The following CHLSN variants were observed in gnomAD, a reference collection of about 807,000 sequenced individuals.
CHLSN encodes cholesin.
chr7:983,903 G>A, the CHLSN span, among the ~76,000 whole-genome samples: 86 of 152,364 alleles, frequency 5.6e-4, no homozygotes, highest in African/African-American at 1.9e-3. Flanking sequence ...TAGCACTGTC[G>A]CTCTGTCCTC....
the CHLSN span, among the ~76,000 whole-genome samples, chr7:1,034,818 C>T: frequency 4.8e-5 from 7 of 144,512 alleles, no homozygotes; most frequent in South Asian, 2.5e-4. Flanking sequence ...CTCAAATTCA[C>T]TCCTGTGTCT....
At chr7:1,070,340 G>A in the CHLSN span, among the ~76,000 whole-genome samples, 21 of 138,154 alleles carry the variant, frequency 1.5e-4, no homozygotes, top group African/African-American at 4.5e-4. Flanking sequence ...CAGCCGTGCC[G>A]TCCGGGAGGG....
At chr7:1,125,471 T>G in the CHLSN span, among the ~76,000 whole-genome samples, 7 of 152,194 alleles carry the variant, frequency 4.6e-5, no homozygotes. Context: ...AGTGAACAAA[T>G]GTAACAAGCC....
At chr7:1,023,127 C>T in the CHLSN span, 9 of 388,572 alleles carry the variant, frequency 2.3e-5, no homozygotes, top group Admixed American at 2.3e-4. This position sits in a 1 kb window ranked among gnomAD's most constrained non-coding sequence, Gnocchi z 5.0. Flanking sequence ...GTGGCCCCTT[C>T]TCAGAAGGAC....
the CHLSN span, among the ~76,000 whole-genome samples, chr7:1,094,815 C>T: frequency 6.6e-6 from 1 of 152,192 alleles, no homozygotes; most frequent in Non-Finnish European, 1.5e-5. Context: ...CAGGTGGGGC[C>T]TGTATTCTCC....
the CHLSN span, among the ~76,000 whole-genome samples, chr7:1,001,665 G>A: frequency 7.6e-6 from 1 of 131,030 alleles, no homozygotes. Context: ...GGAGTCCTGT[G>A]GGTGAGTGGA....
At chr7:1,095,679 G>A in the CHLSN span, among the ~76,000 whole-genome samples, 474 of 152,318 alleles carry the variant, frequency 3.1e-3, 5 homozygotes, top group African/African-American at 0.01. Context: ...TGGGGTAAGC[G>A]CTGTCCCCAC....
chr7:1,117,981 G>A, the CHLSN span, among the ~76,000 whole-genome samples: 2 of 152,188 alleles, frequency 1.3e-5, no homozygotes, highest in South Asian at 2.1e-4. Flanking sequence ...CAGACAAAAA[G>A]GAAGCCCATC....
the CHLSN span, among the ~76,000 whole-genome samples, chr7:996,128 C>T: frequency 3.3e-5 from 5 of 152,356 alleles, no homozygotes; most frequent in South Asian, 4.1e-4. Context: ...AGGCCAGTCA[C>T]CGCTCTGAGG....
At chr7:1,011,572 C>T in the CHLSN span, among the ~76,000 whole-genome samples, 3 of 149,516 alleles carry the variant, frequency 2.0e-5, no homozygotes, top group Non-Finnish European at 4.4e-5. Context: ...CACACCCAAA[C>T]ACATCCACAC....
the CHLSN span, among the ~76,000 whole-genome samples, chr7:1,070,970 G>A: frequency 6.9e-6 from 1 of 145,352 alleles, no homozygotes; most frequent in Non-Finnish European, 1.5e-5. Flanking sequence ...ACACGCACAC[G>A]GGCACATGCA....
chr7:1,008,656 C>T, the CHLSN span, among the ~76,000 whole-genome samples: 6 of 152,156 alleles, frequency 3.9e-5, no homozygotes, highest in South Asian at 2.1e-4. Flanking sequence ...TTCCTGAGCC[C>T]GGCGCTGAGC....
the CHLSN span, chr7:1,028,249 C>T: frequency 1.8e-6 from 2 of 1,095,670 alleles, no homozygotes; most frequent in South Asian, 2.0e-5. Flanking sequence ...CCTGGCCCCG[C>T]GCACTGACCT....
chr7:1,117,497 C>T, the CHLSN span, among the ~76,000 whole-genome samples: 3 of 137,572 alleles, frequency 2.2e-5, no homozygotes, highest in Non-Finnish European at 3.0e-5. Flanking sequence ...CTTCCATCAC[C>T]GACATCCACG....
chr7:1,000,646 A>C, the CHLSN span: 1 of 981,080 alleles, frequency 1.0e-6, no homozygotes, highest in Non-Finnish European at 1.5e-6. Flanking sequence ...ATCTTAGGAG[A>C]GGGAGCCCCA....
the CHLSN span, among the ~76,000 whole-genome samples, chr7:1,005,990 TC>T: frequency 1.3e-5 from 2 of 152,342 alleles, no homozygotes; most frequent in South Asian, 4.1e-4. Context: ...GCAGGCGTGT[TC>T]TTTTCTTTTT....
At chr7:994,547 C>T in the CHLSN span, among the ~76,000 whole-genome samples, 2 of 151,990 alleles carry the variant, frequency 1.3e-5, no homozygotes, top group African/African-American at 4.8e-5. Context: ...GAGCTCAAGC[C>T]ATCCTCCCAC....
At chr7:984,450 G>C in the CHLSN span, 1 of 1,549,772 alleles carries the variant, frequency 6.5e-7, no homozygotes, top group East Asian at 2.4e-5. Flanking sequence ...CCGTGCACCT[G>C]GGGCGCCAGA....
chr7:983,866 C>CGG, the CHLSN span, among the ~76,000 whole-genome samples: 1 of 152,206 alleles, frequency 6.6e-6, no homozygotes, highest in East Asian at 1.9e-4. Flanking sequence ...ACAGAGGGTA[C>CGG]GGGGACACGG....
Sources: gnomAD v4.1 joint callset for allele counts (sites outside exome capture counted in the v4.1 genomes callset) on GRCh38, gnomAD v4.1.1 for gene constraint, Gnocchi (gnomAD v3.1) non-coding constraint, MANE v1.5 for transcripts, NCBI Gene and HGNC (gene_info 2026-07-23, HGNC 2026-07-21) for gene names.